SH3RF3: variants seen among roughly 807,000 people sequenced by gnomAD.
SH3RF3 encodes the protein E3 ubiquitin-protein ligase SH3RF3.
In SH3RF3, 29 loss-of-function variants were observed where a neutral mutation model predicts 66.3. The ratio of observed to expected loss-of-function variants is 0.44; its 90% CI spans 0.33 to 0.60. SH3RF3 has a LOEUF of 0.60. Ranked by LOEUF, SH3RF3 falls within the 20% of genes least tolerant of loss-of-function variation. The pLI is 0.04. For synonymous variants in SH3RF3, 583 were observed against 532.0 expected (o/e 1.10, Z -1.32); for missense variants, 1,194 against 1,190.9 (o/e 1.00, Z -0.04).
chr2:109,307,816 T>G lies in SH3RF3; in HGVS notation c.574-39858T>G, dbSNP rs1002473118. Among the ~76,000 whole-genome samples, 117 of 144,014 alleles carry G rather than the reference T, an allele frequency of 8.1e-4. No homozygotes were observed. The East Asian group carries it at 0.02, about 24-fold the overall frequency. The allele number at this position is 144,014 out of a possible 152,430, so 94.5% of individuals were successfully genotyped here. On this transcript the variant is annotated intron_variant, in intron 1 of 9. Transcript: ENST00000309415. Reference sequence around the variant, plus strand: ...TATGTGCCACATTTTCTTAATCCAGTCTATCATTGTTGGACATTTGGGTTG... The same window carrying G: ...TATGTGCCACATTTTCTTAATCCAGGCTATCATTGTTGGACATTTGGGTTG...
At chr2:109,342,693 G>T (rs1682582154) in intron 1 of SH3RF3, among the ~76,000 whole-genome samples, 2 of 152,206 alleles carry the variant, frequency 1.3e-5, no homozygotes, top group African/African-American at 4.8e-5. Context: ...CCAACCAGGG[G>T]TGTCAGGAGC....
At chr2:109,332,882 T>A (rs933206723) in intron 1 of SH3RF3, among the ~76,000 whole-genome samples, 1 of 152,252 alleles carries the variant, frequency 6.6e-6, no homozygotes, top group Non-Finnish European at 1.5e-5. Context: ...CCTTATAGAA[T>A]AAATGGTCAG....
intron 8 of SH3RF3, among the ~76,000 whole-genome samples, chr2:109,453,257 C>G (rs1191560028): frequency 1.3e-5 from 2 of 152,238 alleles, no homozygotes; most frequent in Non-Finnish European, 2.9e-5. Flanking sequence ...CCTGCCTGAT[C>G]ATATTGCTCC....
At chr2:109,176,091 C>G (rs900797578) in intron 1 of SH3RF3, among the ~76,000 whole-genome samples, 1 of 152,204 alleles carries the variant, frequency 6.6e-6, no homozygotes, top group Non-Finnish European at 1.5e-5. Flanking sequence ...ACTGGAAAGC[C>G]TCATTCTGTC....
At chr2:109,368,097 C>T (rs1447476432) in intron 2 of SH3RF3, among the ~76,000 whole-genome samples, 1 of 152,178 alleles carries the variant, frequency 6.6e-6, no homozygotes, top group Non-Finnish European at 1.5e-5. Context: ...TGTTTTTCTT[C>T]TTTCATGAGT....
At chr2:109,476,909 T>C (rs1678698400) in intron 8 of SH3RF3, among the ~76,000 whole-genome samples, 1 of 152,192 alleles carries the variant, frequency 6.6e-6, no homozygotes, top group African/African-American at 2.4e-5. Context: ...ATGGCGCTAA[T>C]GGGAGTGTAG....
chr2:109,228,679 G>A lies in SH3RF3; in HGVS notation c.573+98566G>A, dbSNP rs116190850. On this transcript the variant is annotated intron_variant, in intron 1 of 9. Coordinates refer to ENST00000309415, the MANE Select transcript of SH3RF3 (RefSeq NM_001099289.3). Reference sequence around the variant, plus strand: ...AATCTGGTTTATTATATTAGTGGAGGGCATGATAAAAGATACAGGCAAGCA... The same window carrying A: ...AATCTGGTTTATTATATTAGTGGAGAGCATGATAAAAGATACAGGCAAGCA... 6.9e-3 allele frequency among the ~76,000 whole-genome samples: 1,054 copies of A among 152,176 alleles called. 10 individuals are homozygous for A. Among genetic ancestry groups the A allele is most frequent in the African/African-American group, 0.024 (998 of 41,494 alleles).
intron 1 of SH3RF3, among the ~76,000 whole-genome samples, chr2:109,296,289 G>A (rs1418273897): frequency 1.3e-5 from 2 of 151,980 alleles, no homozygotes; most frequent in South Asian, 2.1e-4. Flanking sequence ...GTGCAATGGT[G>A]CTATCTCGGC....
intron 7 of SH3RF3, among the ~76,000 whole-genome samples, chr2:109,437,891 G>A (rs996666821): frequency 5.3e-5 from 8 of 152,266 alleles, no homozygotes; most frequent in Middle Eastern, 3.4e-3. Flanking sequence ...ATGCCACGGC[G>A]TCTTCCACCA....
At chr2:109,315,021 C>T (rs1306969638) in intron 1 of SH3RF3, among the ~76,000 whole-genome samples, 2 of 152,230 alleles carry the variant, frequency 1.3e-5, no homozygotes, top group African/African-American at 2.4e-5. Flanking sequence ...TAGCCACCGA[C>T]CACACTCAGT....
intron 1 of SH3RF3, among the ~76,000 whole-genome samples, chr2:109,333,899 T>G (rs1280669986): frequency 6.6e-6 from 1 of 152,196 alleles, no homozygotes; most frequent in Non-Finnish European, 1.5e-5. Context: ...AAATAATACT[T>G]GTCTCCTAAG....
chr2:109,385,132 C>T (rs1311927721), intron 3 of SH3RF3, among the ~76,000 whole-genome samples: 2 of 152,216 alleles, frequency 1.3e-5, no homozygotes, highest in Non-Finnish European at 2.9e-5. Flanking sequence ...CCCACGTTGG[C>T]ATCAGACAGT....
intron 1 of SH3RF3, among the ~76,000 whole-genome samples, chr2:109,326,859 C>T (rs1682173207): frequency 6.6e-6 from 1 of 152,204 alleles, no homozygotes; most frequent in Non-Finnish European, 1.5e-5. Flanking sequence ...CAGCCACTGG[C>T]CCAGTGTTCC....
At chr2:109,220,387 A>G (rs1679202136) in intron 1 of SH3RF3, among the ~76,000 whole-genome samples, 1 of 152,216 alleles carries the variant, frequency 6.6e-6, no homozygotes, top group Non-Finnish European at 1.5e-5. Context: ...TGAGTGTGAC[A>G]CCAAAAGCAC....
chr2:109,144,413 C>G (rs936016928), intron 1 of SH3RF3, among the ~76,000 whole-genome samples: 5 of 152,126 alleles, frequency 3.3e-5, no homozygotes, highest in Non-Finnish European at 5.9e-5. Context: ...ACAAGCAGAC[C>G]TAGCTTTCAC....
intron 1 of SH3RF3, among the ~76,000 whole-genome samples, chr2:109,146,821 C>T (rs1373325523): frequency 8.1e-6 from 1 of 123,602 alleles, no homozygotes; most frequent in African/African-American, 3.1e-5. Flanking sequence ...TTCCTCTGTC[C>T]TCCCCTTCCT....
At chr2:109,322,863 T>G (rs903228246) in intron 1 of SH3RF3, among the ~76,000 whole-genome samples, 3 of 152,218 alleles carry the variant, frequency 2.0e-5, no homozygotes, top group African/African-American at 7.2e-5. Flanking sequence ...TTGCTATCAA[T>G]TAAAGTTCCA....
intron 1 of SH3RF3, among the ~76,000 whole-genome samples, chr2:109,299,730 C>T (rs1464254330): frequency 6.6e-6 from 1 of 152,220 alleles, no homozygotes; most frequent in Non-Finnish European, 1.5e-5. Flanking sequence ...AGAGAATCCT[C>T]AAGCAAGGCT....
At chr2:109,376,319 A>C (rs562477810) in intron 3 of SH3RF3, among the ~76,000 whole-genome samples, 1 of 152,336 alleles carries the variant, frequency 6.6e-6, no homozygotes, top group Admixed American at 6.5e-5. Flanking sequence ...TAGGAGAGGC[A>C]GCCCTCTTGG....
Sources: allele counts gnomAD v4.1 joint callset (sites outside exome capture counted in the v4.1 genomes callset), GRCh38; gene constraint gnomAD v4.1.1; transcripts MANE v1.5; gene names NCBI Gene and HGNC (gene_info 2026-07-23, HGNC 2026-07-21).